The following KCNH5 variants were observed in gnomAD, a reference collection of about 807,000 sequenced individuals.
KCNH5 encodes the protein potassium voltage-gated channel subfamily H member 5.
A neutral mutation model predicts 96.1 loss-of-function variants in KCNH5; 46 were observed. The observed-to-expected ratio is 0.48, with a 90% CI of 0.38 to 0.61. The LOEUF (loss-of-function observed/expected upper bound fraction) is 0.61. Among genes scored for constraint, KCNH5 ranks in the 20% least tolerant of loss-of-function variants. The pLI, the probability that KCNH5 is intolerant of heterozygous loss-of-function variation, is 0.00. For synonymous variants in KCNH5, 439 were observed against 449.8 expected, an observed-to-expected ratio of 0.98 and a Z score of 0.30; for missense variants, 907 against 1,225.8, an observed-to-expected ratio of 0.74 and a Z score of 3.88.
chr14:62,751,644 C>T (rs1381309404), intron 10 of KCNH5, among the ~76,000 whole-genome samples: 12 of 152,180 alleles, frequency 7.9e-5, no homozygotes, highest in Non-Finnish European at 1.6e-4. Flanking sequence ...TTTGGCTTTC[C>T]CACCTTTCAG....
chr14:62,845,740 G>GA (rs60355752), intron 8 of KCNH5, among the ~76,000 whole-genome samples: 2 of 152,070 alleles, frequency 1.3e-5, no homozygotes, highest in Non-Finnish European at 2.9e-5. Context: ...ATTTCAATGG[G>GA]AAAAAAATGT....
At chr14:62,842,184 C>T (rs551822568) in intron 8 of KCNH5, among the ~76,000 whole-genome samples, 31 of 152,246 alleles carry the variant, frequency 2.0e-4, no homozygotes, top group Non-Finnish European at 2.9e-4. Flanking sequence ...TCTTAAACTA[C>T]GCTAAAAGCC....
At chr14:62,901,535 A>C (rs183819657) in intron 7 of KCNH5, among the ~76,000 whole-genome samples, 268 of 152,274 alleles carry the variant, frequency 1.8e-3, no homozygotes, top group African/African-American at 6.0e-3. Context: ...AGCTGCATCC[A>C]TGTTGCTGGA....
intron 10 of KCNH5, among the ~76,000 whole-genome samples, chr14:62,750,441 A>G (rs1012593305): frequency 7.9e-5 from 12 of 152,174 alleles, no homozygotes; most frequent in Non-Finnish European, 1.6e-4. Context: ...CCTCTTCAGT[A>G]TATCTAGGGT....
rs777733914 is a variant in KCNH5 at position 62,786,915 on chromosome 14, T to C, written c.1823-6991A>G. 6.8e-4 allele frequency among the ~76,000 whole-genome samples: 103 copies of C among 152,172 alleles called. 1 individual carries two copies. Among genetic ancestry groups the C allele is most frequent in the Non-Finnish European group, 1.1e-3 (77 of 68,028 alleles). The stretch of plus-strand genomic sequence containing the variant: ...TTTTAACTACTCCACTGATCTATCA[T>C]TCCCCAACTCCCTCTTCCTCTCCTG... On this transcript the variant is annotated intron_variant, in intron 9 of 10. Coordinates refer to ENST00000322893, the MANE Select transcript of KCNH5 (RefSeq NM_139318.5).
chr14:62,748,836 CAA>C (rs1355659962), intron 10 of KCNH5, among the ~76,000 whole-genome samples: 2 of 152,026 alleles, frequency 1.3e-5, no homozygotes, highest in Non-Finnish European at 2.9e-5. Flanking sequence ...TATTCCTGCA[CAA>C]AGAGTACAAC....
chr14:62,782,735 C>G (rs932975839), intron 9 of KCNH5, among the ~76,000 whole-genome samples: 1 of 151,920 alleles, frequency 6.6e-6, no homozygotes, highest in African/African-American at 2.4e-5. Context: ...GGCGTGAACC[C>G]GGGAGGCAGA....
At chr14:62,805,018 A>C (rs1425190536) in intron 8 of KCNH5, among the ~76,000 whole-genome samples, 1 of 152,232 alleles carries the variant, frequency 6.6e-6, no homozygotes, top group East Asian at 1.9e-4. Context: ...TATTTTAAGC[A>C]CTGATTAAGG....
chr14:62,716,807 T>C (rs1884696589), intron 10 of KCNH5, among the ~76,000 whole-genome samples: 1 of 151,948 alleles, frequency 6.6e-6, no homozygotes, highest in African/African-American at 2.4e-5. Flanking sequence ...AAGGAAATTG[T>C]CAAGAAAATA....
chr14:62,765,887 T>C (rs1277239517), intron 10 of KCNH5, among the ~76,000 whole-genome samples: 2 of 152,008 alleles, frequency 1.3e-5, no homozygotes, highest in East Asian at 1.9e-4. Flanking sequence ...AAGGATACAA[T>C]CGACAAAGTG....
chr14:62,992,344 T>C (rs1890825283), intron 4 of KCNH5, among the ~76,000 whole-genome samples: 1 of 152,102 alleles, frequency 6.6e-6, no homozygotes, highest in South Asian at 2.1e-4. Context: ...ACATATCCAG[T>C]AGCAGGACTG....
chr14:62,762,515 G>A (rs1036161589), intron 10 of KCNH5, among the ~76,000 whole-genome samples: 3 of 152,192 alleles, frequency 2.0e-5, no homozygotes, highest in Non-Finnish European at 2.9e-5. Flanking sequence ...CCACCACAAC[G>A]TCACCCCACC....
rs373976331 is a variant in KCNH5 at position 62,817,712 on chromosome 14, T to C, written c.1570-15131A>G. ...GGAATATATTCTATATAATAATATATATTCTAGGAATATATTCTATATAAT... is the reference window on the plus strand; with the variant it reads ...GGAATATATTCTATATAATAATATACATTCTAGGAATATATTCTATATAAT... On this transcript the variant is annotated intron_variant, in intron 8 of 10. Transcript: ENST00000322893. Among the ~76,000 whole-genome samples the C allele has an allele frequency of 7.5e-5, 11 of 147,252 alleles. No homozygotes were observed. In the East Asian group the frequency reaches 1.4e-3, roughly 18 times the overall value.
intron 7 of KCNH5, among the ~76,000 whole-genome samples, chr14:62,947,736 C>CACACAA (rs888253110): frequency 1.3e-5 from 2 of 151,844 alleles, no homozygotes; most frequent in African/African-American, 4.8e-5. Context: ...CACACACACA[C>CACACAA]AAAAACCGAT....
chr14:62,957,240 A>C (rs137933874), intron 6 of KCNH5, among the ~76,000 whole-genome samples: 1 of 152,348 alleles, frequency 6.6e-6, no homozygotes, highest in African/African-American at 2.4e-5. Context: ...AGCATAAAAT[A>C]ATATCTTGCA....
intron 8 of KCNH5, among the ~76,000 whole-genome samples, chr14:62,832,736 C>A (rs1364813570): frequency 1.3e-5 from 2 of 152,208 alleles, no homozygotes; most frequent in East Asian, 3.9e-4. Flanking sequence ...AATATATAAG[C>A]ATTCCAGTTT....
Position 62,950,563 on chromosome 14 carries a change from G to T in KCNH5, c.943-4C>A. The T allele has an allele frequency of 6.9e-7, 1 of 1,448,078 alleles. No individual in the cohort carries two copies. The highest frequency in any genetic ancestry group is 9.1e-7 in the Non-Finnish European group (1 of 1,103,050). 89.7% of individuals were successfully genotyped at this position (1,448,078 alleles called of 1,614,324 possible). The stretch of plus-strand genomic sequence containing the variant: ...AACTGAAGAGACTGCTGATTCCCTG[G>T]ATTTAAAAAAAAAAAAAAAATTACA... On this transcript the variant is annotated splice_region_variant and splice_polypyrimidine_tract_variant and intron_variant, in intron 6 of 10. Coordinates refer to ENST00000322893, the MANE Select transcript of KCNH5 (RefSeq NM_139318.5).
chr14:62,958,999 C>A (rs1363769737), intron 6 of KCNH5, among the ~76,000 whole-genome samples: 3 of 151,826 alleles, frequency 2.0e-5, no homozygotes, highest in African/African-American at 7.3e-5. Context: ...AATTAACATA[C>A]CCCCTCACCC....
chr14:62,849,896 G>GA (rs752775878), intron 7 of KCNH5, 44 bp from the exon 8 acceptor site: 3 of 1,431,962 alleles, frequency 2.1e-6, no homozygotes, highest in South Asian at 2.4e-5. Flanking sequence ...TATCTCATGT[G>GA]AAAAAAATAC....
Sources: gnomAD v4.1 joint callset for allele counts (sites outside exome capture counted in the v4.1 genomes callset) on GRCh38, gnomAD v4.1.1 for gene constraint, MANE v1.5 for transcripts, NCBI Gene and HGNC (gene_info 2026-07-23, HGNC 2026-07-21) for gene names.